The following AUTS2 variants were observed in gnomAD, a reference collection of about 807,000 sequenced individuals.
AUTS2 encodes autism susceptibility gene 2 protein.
In AUTS2, 17 loss-of-function variants were observed where a neutral mutation model predicts 112.4. The observed-to-expected ratio is 0.15, with a 90% CI of 0.10 to 0.23. The LOEUF is 0.23. Among genes scored for constraint, AUTS2 ranks in the 10% least tolerant of loss-of-function variants. AUTS2 has a pLI of 1.00. For missense variants in AUTS2, 1,510 were observed against 1,701.6 expected (o/e 0.89, Z 1.98); for synonymous variants, 751 against 702.7 (o/e 1.07, Z -1.09).
chr7:69,609,470 T>A (rs1339552299), intron 1 of AUTS2, among the ~76,000 whole-genome samples: 3 of 152,144 alleles, frequency 2.0e-5, no homozygotes, highest in Non-Finnish European at 4.4e-5. Flanking sequence ...TTTATAAGGA[T>A]GTAAAATAAA....
At chr7:70,110,636 C>T (rs1003080226) in intron 2 of AUTS2, among the ~76,000 whole-genome samples, 2 of 152,100 alleles carry the variant, frequency 1.3e-5, no homozygotes, top group Non-Finnish European at 2.9e-5. Context: ...GCACTTCAGT[C>T]GTTTTTATTT....
rs374229438 is a variant in AUTS2 at position 70,301,304 on chromosome 7, T to C, written c.661-134448T>C. On this transcript the variant is annotated intron_variant, in intron 4 of 18. Transcript: ENST00000342771. ...ATATATTAAGGACTGTTGTTGGTGA[T>C]TAGTACATAAAAATGTGGGTTTTTC... Among the ~76,000 whole-genome samples, 23 of 152,316 alleles carry C rather than the reference T, an allele frequency of 1.5e-4. No homozygotes were observed. In the East Asian group the frequency reaches 3.9e-3, roughly 26 times the overall value.
rs192886138 is a variant in AUTS2, at chr7:70,672,752, G to A, written c.691-25817G>A. ...CAAGTAGCTGGAACTACAGGTGCCCGCCACCACACCCAGCTCAATTTTGTA... is the reference window on the plus strand; with the variant it reads ...CAAGTAGCTGGAACTACAGGTGCCCACCACCACACCCAGCTCAATTTTGTA... On this transcript the variant is annotated intron_variant, in intron 5 of 18. Coordinates refer to ENST00000342771, the MANE Select transcript of AUTS2 (RefSeq NM_015570.4). Among the ~76,000 whole-genome samples the A allele has an allele frequency of 6.4e-4, 97 of 151,976 alleles. 1 individual carries two copies. In the East Asian group the frequency reaches 0.018, roughly 28 times the overall value.
chr7:70,105,560 A>G (rs559440603), intron 2 of AUTS2, among the ~76,000 whole-genome samples: 3 of 152,100 alleles, frequency 2.0e-5, no homozygotes, highest in South Asian at 4.1e-4. Context: ...CCGGACCCAC[A>G]TTTGTTTTAT....
intron 1 of AUTS2, among the ~76,000 whole-genome samples, chr7:69,697,831 A>G (rs978825489): frequency 6.6e-6 from 1 of 152,230 alleles, no homozygotes; most frequent in Non-Finnish European, 1.5e-5. Flanking sequence ...TTTATGAGAC[A>G]GCTTCAAAAA....
chr7:69,932,183 ATACT>A (rs771626785), intron 2 of AUTS2, among the ~76,000 whole-genome samples: 1 of 152,212 alleles, frequency 6.6e-6, no homozygotes, highest in African/African-American at 2.4e-5. Context: ...CTATAAAGAC[ATACT>A]TGCTTGCTTT....
rs144333059 is a variant in AUTS2, at chr7:70,159,571, G to T, written c.660+25000G>T. ...ATGTGTTATGATTATATCTGATAAT[G>T]TTACAAATACTGAGCAGCTTTTTGT... On this transcript the variant is annotated intron_variant, in intron 4 of 18. Coordinates refer to ENST00000342771, the MANE Select transcript of AUTS2 (RefSeq NM_015570.4). 5.1e-3 allele frequency among the ~76,000 whole-genome samples: 781 copies of T among 152,288 alleles called. 13 individuals carry two copies. Among genetic ancestry groups the T allele is most frequent in the African/African-American group, 0.018 (729 of 41,550 alleles).
chr7:70,289,908 A>G (rs1488485101), intron 4 of AUTS2, among the ~76,000 whole-genome samples: 2 of 152,194 alleles, frequency 1.3e-5, no homozygotes, highest in East Asian at 3.8e-4. Flanking sequence ...GATTCTGAAA[A>G]CTTCAAAACA....
At chr7:69,600,425 G>GTC (rs1203628452) in intron 1 of AUTS2, among the ~76,000 whole-genome samples, 3 of 150,772 alleles carry the variant, frequency 2.0e-5, no homozygotes, top group African/African-American at 7.3e-5. Flanking sequence ...GTGTGTGTGT[G>GTC]TGTGTGTGTG....
intron 2 of AUTS2, among the ~76,000 whole-genome samples, chr7:69,919,656 T>C (rs1231392905): frequency 6.6e-6 from 1 of 152,188 alleles, no homozygotes; most frequent in Non-Finnish European, 1.5e-5. Context: ...TTATTGCTGC[T>C]CTTTGACCCT....
chr7:69,816,608 CTT>C (rs913868709), intron 1 of AUTS2, among the ~76,000 whole-genome samples: 5 of 152,196 alleles, frequency 3.3e-5, no homozygotes, highest in African/African-American at 1.2e-4. Flanking sequence ...AAAGGACTGA[CTT>C]TTGACCCAGT....
intron 2 of AUTS2, among the ~76,000 whole-genome samples, chr7:70,030,519 T>C (rs532333395): frequency 2.0e-4 from 30 of 152,142 alleles, no homozygotes; most frequent in Non-Finnish European, 3.8e-4. Flanking sequence ...TTCTCAGATA[T>C]GCAAAACAGA....
intron 4 of AUTS2, among the ~76,000 whole-genome samples, chr7:70,169,289 G>A (rs1361348851): frequency 1.3e-5 from 2 of 151,988 alleles, no homozygotes; most frequent in Non-Finnish European, 2.9e-5. Context: ...CACCCAGGCT[G>A]AAGTGCAGTG....
chr7:69,857,003 G>T (rs1351233643), intron 1 of AUTS2, among the ~76,000 whole-genome samples: 1 of 152,158 alleles, frequency 6.6e-6, no homozygotes, highest in Non-Finnish European at 1.5e-5. Flanking sequence ...CAGAGGAGGG[G>T]ATGCAGAAGC....
chr7:69,883,415 C>T (rs1004543787), intron 1 of AUTS2, among the ~76,000 whole-genome samples: 1 of 151,692 alleles, frequency 6.6e-6, no homozygotes, highest in Non-Finnish European at 1.5e-5. Context: ...ACTGATTGCT[C>T]TGTGTAAATC....
chr7:70,043,674 A>G (rs1422898988), intron 2 of AUTS2, among the ~76,000 whole-genome samples: 1 of 148,022 alleles, frequency 6.8e-6, no homozygotes, highest in East Asian at 2.0e-4. Flanking sequence ...CAATGGCGCA[A>G]TCTTGGCTTA....
At chr7:70,119,366 G>T (rs558017550) in intron 3 of AUTS2, 2 of 140,838 alleles carry the variant, frequency 1.4e-5, no homozygotes, top group South Asian at 2.4e-4. Context: ...CAAGTAAAGA[G>T]ATTTTTTTTT....
At chr7:70,258,863 T>C (rs1256291292) in intron 4 of AUTS2, among the ~76,000 whole-genome samples, 1 of 152,162 alleles carries the variant, frequency 6.6e-6, no homozygotes, top group Admixed American at 6.5e-5. Context: ...TTACTGACTC[T>C]TTTCCCAATA....
chr7:70,344,557 G>A (rs1244749172), intron 4 of AUTS2, among the ~76,000 whole-genome samples: 1 of 152,240 alleles, frequency 6.6e-6, no homozygotes, highest in Admixed American at 6.5e-5. Flanking sequence ...TTACTGAGTG[G>A]TCTTAACACA....
Sources: allele counts gnomAD v4.1 joint callset (sites outside exome capture counted in the v4.1 genomes callset), GRCh38; gene constraint gnomAD v4.1.1; transcripts MANE v1.5; gene names NCBI Gene and HGNC (gene_info 2026-07-23, HGNC 2026-07-21).